PEMT: variants seen among roughly 807,000 people sequenced by gnomAD.
PEMT encodes the protein phosphatidylethanolamine N-methyltransferase.
In PEMT, 23 loss-of-function variants were observed where a neutral mutation model predicts 27.4. The observed-to-expected ratio is 0.84, with a 90% CI of 0.60 to 1.19. PEMT has a LOEUF of 1.19. Among genes scored for constraint, PEMT ranks in the 50% most tolerant of loss-of-function variants. The pLI, the probability that PEMT is intolerant of heterozygous loss-of-function variation, is 0.00. For synonymous variants in PEMT, 137 were observed against 139.1 expected (o/e 0.98, Z 0.11); for missense variants, 307 against 310.1 (o/e 0.99, Z 0.07).
chr17:17,588,922 C>T (rs1912459953), intron 1 of PEMT, among the ~76,000 whole-genome samples: 1 of 152,258 alleles, frequency 6.6e-6, no homozygotes, highest in Non-Finnish European at 1.5e-5. Context: ...GGGCACACTC[C>T]TCACCCTAAC....
chr17:17,577,381 G>T (rs1290448316), intron 1 of PEMT: 11 of 819,838 alleles, frequency 1.3e-5, no homozygotes, highest in Non-Finnish European at 1.7e-5. Context: ...AACCCAAGCA[G>T]CTGAGATAAA....
intron 2 of PEMT, among the ~76,000 whole-genome samples, chr17:17,528,993 G>A (rs1312276840): frequency 1.3e-5 from 2 of 152,202 alleles, no homozygotes; most frequent in Non-Finnish European, 2.9e-5. Flanking sequence ...TCCACACCGC[G>A]CATCCCAGCG....
At chr17:17,591,409 C>A (rs1597975592) in intron 1 of PEMT, 122 bp downstream of exon 1, 1 of 826,466 alleles carries the variant, frequency 1.2e-6, no homozygotes, top group Non-Finnish European at 1.9e-6. Flanking sequence ...CCACGCCACG[C>A]CCCCATTGCC....
intron 2 of PEMT, among the ~76,000 whole-genome samples, chr17:17,537,457 AAGCCTAGCCCAGCCCAGCCCAGGACCCTG>A (rs1440236511): frequency 6.6e-6 from 1 of 152,188 alleles, no homozygotes; most frequent in Non-Finnish European, 1.5e-5. Context: ...GGGCTCCCCC[AAGCCTAGCCCAGCCCAGCCCAGGACCCTG>A]AGCCATCCCC....
At chr17:17,588,882 C>CA (rs1248552084) in intron 1 of PEMT, among the ~76,000 whole-genome samples, 2 of 152,220 alleles carry the variant, frequency 1.3e-5, no homozygotes, top group Non-Finnish European at 2.9e-5. Flanking sequence ...CAACAAGGAG[C>CA]AAAAGGGCCT....
chr17:17,586,114 G>T (rs541572072), intron 1 of PEMT, among the ~76,000 whole-genome samples: 20 of 140,592 alleles, frequency 1.4e-4, no homozygotes, highest in African/African-American at 5.3e-4. Context: ...ACAGATTTTT[G>T]AGACCCATTA....
chr17:17,550,309 G>A (rs1909560695), intron 2 of PEMT, among the ~76,000 whole-genome samples: 2 of 152,192 alleles, frequency 1.3e-5, no homozygotes, highest in South Asian at 2.1e-4. Flanking sequence ...CTCTGGGGAC[G>A]ATCTTCACAG....
chr17:17,559,079 T>C (rs915752306), intron 2 of PEMT, among the ~76,000 whole-genome samples: 7 of 152,138 alleles, frequency 4.6e-5, no homozygotes, highest in Non-Finnish European at 7.3e-5. Context: ...CGTCGCAGCT[T>C]CTTACGCTCC....
intron 3 of PEMT, chr17:17,518,262 G>T: frequency 1.6e-6 from 1 of 612,680 alleles, no homozygotes; most frequent in Non-Finnish European, 2.0e-6. Flanking sequence ...AAGCCCGTTC[G>T]AGCCCTGCCT....
chr17:17,520,864 A>C (rs905841768), intron 3 of PEMT, among the ~76,000 whole-genome samples: 4 of 152,242 alleles, frequency 2.6e-5, no homozygotes, highest in African/African-American at 9.6e-5. Context: ...CTGCTCACCC[A>C]CATTCCTGTG....
chr17:17,520,036 C>T (rs1907148477), intron 3 of PEMT, among the ~76,000 whole-genome samples: 1 of 152,214 alleles, frequency 6.6e-6, no homozygotes, highest in African/African-American at 2.4e-5. Flanking sequence ...GCTCAGCGTG[C>T]CAGCCCTGGG....
At chr17:17,566,637 C>T (rs757930987) in intron 2 of PEMT, among the ~76,000 whole-genome samples, 2 of 152,176 alleles carry the variant, frequency 1.3e-5, no homozygotes, top group Admixed American at 6.5e-5. Context: ...CAGGTGAAGG[C>T]GGGAAAGCTG....
At chr17:17,555,121 C>T (rs1194772623) in intron 2 of PEMT, among the ~76,000 whole-genome samples, 1 of 152,118 alleles carries the variant, frequency 6.6e-6, no homozygotes, top group Non-Finnish European at 1.5e-5. Context: ...AGCAGGTACT[C>T]CCACTATGCC....
intron 1 of PEMT, among the ~76,000 whole-genome samples, chr17:17,586,214 GAAAAAGAA>G (rs1912248989): frequency 1.1e-4 from 9 of 80,108 alleles, no homozygotes; most frequent in Middle Eastern, 0.014. Context: ...AAGAAAGAAA[GAAAAAGAA>G]AGAAAGAAAG....
rs149648729 is a variant in PEMT at position 17,534,347 on chromosome 17, G to A, written c.205-11952C>T. 2.2e-4 allele frequency among the ~76,000 whole-genome samples: 34 copies of A among 152,288 alleles called. 1 individual carries two copies. The highest frequency in any genetic ancestry group is 1.5e-3 in the East Asian group (8 of 5,192). On this transcript the variant is annotated intron_variant, in intron 2 of 6. Transcript: ENST00000255389. ...GTGAAAGAAGCCAGACAAACATAGA[G>A]TATACTGTATGATTCCATTTTCATA...
At chr17:17,509,753 A>G (rs70965411) in intron 4 of PEMT, among the ~76,000 whole-genome samples, 1 of 152,140 alleles carries the variant, frequency 6.6e-6, no homozygotes, top group Non-Finnish European at 1.5e-5. Context: ...CTAAGGACTA[A>G]GGTGCTGAGC....
intron 1 of PEMT, 29 bp downstream of exon 1, chr17:17,591,502 T>C (rs760677184): frequency 1.3e-6 from 2 of 1,568,344 alleles, no homozygotes; most frequent in Admixed American, 3.4e-5. Flanking sequence ...CCTCTCCCAG[T>C]TTCCGCGGCG....
intron 1 of PEMT, among the ~76,000 whole-genome samples, chr17:17,588,228 C>T (rs1230148815): frequency 1.3e-5 from 2 of 152,218 alleles, no homozygotes; most frequent in African/African-American, 4.8e-5. Context: ...GAAAACACCA[C>T]AGAGTAACTC....
intron 2 of PEMT, among the ~76,000 whole-genome samples, chr17:17,544,487 G>T (rs1381630940): frequency 1.3e-5 from 2 of 151,970 alleles, no homozygotes; most frequent in African/African-American, 4.8e-5. Flanking sequence ...CACCATGTTG[G>T]CCAGGCTGGT....
Sources: allele counts gnomAD v4.1 joint callset (sites outside exome capture counted in the v4.1 genomes callset), GRCh38; gene constraint gnomAD v4.1.1; transcripts MANE v1.5; gene names NCBI Gene and HGNC (gene_info 2026-07-23, HGNC 2026-07-21).